ST18: variants seen among roughly 807,000 people sequenced by gnomAD.
The protein encoded by ST18 is ST18 C2H2C-type zinc finger transcription factor, also known as suppression of tumorigenicity 18 protein.
In ST18, 50 loss-of-function variants were observed where a neutral mutation model predicts 110.0. That is an observed-to-expected ratio of 0.45 (90% confidence interval 0.36 to 0.58). ST18 has a LOEUF of 0.58. ST18 is among the 20% of genes least tolerant of loss of function. ST18 has a pLI of 0.00. For missense variants in ST18, 1,306 were observed against 1,280.1 expected (o/e 1.02, Z -0.31); for synonymous variants, 461 against 452.4 (o/e 1.02, Z -0.24).
chr8:52,346,956 C>T (rs1216175480), intron 2 of ST18, among the ~76,000 whole-genome samples: 1 of 152,024 alleles, frequency 6.6e-6, no homozygotes, highest in African/African-American at 2.4e-5. Context: ...TAAACAAAAC[C>T]ATGGTCTAAG....
chr8:52,277,087 T>C (rs895885129), intron 2 of ST18, among the ~76,000 whole-genome samples: 2 of 152,192 alleles, frequency 1.3e-5, no homozygotes, highest in African/African-American at 4.8e-5. Context: ...AAACCTTATG[T>C]TTCAGCTGTG....
intron 2 of ST18, among the ~76,000 whole-genome samples, chr8:52,262,700 C>G (rs1263229867): frequency 6.6e-6 from 1 of 152,182 alleles, no homozygotes; most frequent in Non-Finnish European, 1.5e-5. Flanking sequence ...GAGTCTTTTT[C>G]ACCTGTAAGA....
At chr8:52,256,587 G>C (rs1589371599) in intron 2 of ST18, among the ~76,000 whole-genome samples, 1 of 152,260 alleles carries the variant, frequency 6.6e-6, no homozygotes, top group South Asian at 2.1e-4. Context: ...CACATGAAAT[G>C]AATCCCTATA....
chr8:52,203,393 T>C (rs2078707673), intron 8 of ST18, among the ~76,000 whole-genome samples: 2 of 152,148 alleles, frequency 1.3e-5, no homozygotes, highest in African/African-American at 2.4e-5. Context: ...CTTTGTACCA[T>C]AGAATTTGAC....
At chr8:52,372,168 A>G (rs772032200) in intron 2 of ST18, among the ~76,000 whole-genome samples, 1 of 152,170 alleles carries the variant, frequency 6.6e-6, no homozygotes, top group Non-Finnish European at 1.5e-5. Flanking sequence ...TTGTAGGCCT[A>G]GGATTTTGTG....
intron 2 of ST18, among the ~76,000 whole-genome samples, chr8:52,304,862 C>T (rs2095789433): frequency 6.6e-6 from 1 of 152,190 alleles, no homozygotes; most frequent in Admixed American, 6.5e-5. Flanking sequence ...CTCTCTGGGT[C>T]TCTCTTACAA....
intron 8 of ST18, among the ~76,000 whole-genome samples, chr8:52,181,334 A>G (rs1194038391): frequency 6.6e-6 from 1 of 152,214 alleles, no homozygotes; most frequent in Admixed American, 6.5e-5. Context: ...GCCTTAAACC[A>G]TTATTTTACA....
At chr8:52,402,097 G>C (rs565193565) in intron 2 of ST18, among the ~76,000 whole-genome samples, 21 of 152,300 alleles carry the variant, frequency 1.4e-4, no homozygotes, top group African/African-American at 4.8e-4. Context: ...GTCTTCGGCT[G>C]TAGGAGTTTG....
intron 8 of ST18, among the ~76,000 whole-genome samples, chr8:52,198,862 T>C (rs186678770): frequency 1.8e-4 from 27 of 152,300 alleles, no homozygotes; most frequent in African/African-American, 6.3e-4. Flanking sequence ...CCCTTCCACA[T>C]GTACCTGTGC....
chr8:52,230,386 G>A (rs1235830124), intron 2 of ST18, among the ~76,000 whole-genome samples: 2 of 150,626 alleles, frequency 1.3e-5, no homozygotes, highest in Non-Finnish European at 3.0e-5. Flanking sequence ...GAGTGAAAGT[G>A]AATTATCAAT....
At chr8:52,117,882 G>T (rs1222455415) in intron 24 of ST18, among the ~76,000 whole-genome samples, 1 of 152,144 alleles carries the variant, frequency 6.6e-6, no homozygotes, top group Non-Finnish European at 1.5e-5. Flanking sequence ...AATTGCTTGG[G>T]CTTTTAGGTA....
chr8:52,279,473 A>T (rs376644588), intron 2 of ST18, among the ~76,000 whole-genome samples: 24 of 152,288 alleles, frequency 1.6e-4, no homozygotes, highest in African/African-American at 5.1e-4. Context: ...AAAAATATTA[A>T]GAAGAATCGG....
chr8:52,156,054 A>C (rs2059939094), intron 15 of ST18, among the ~76,000 whole-genome samples: 1 of 152,184 alleles, frequency 6.6e-6, no homozygotes, highest in Non-Finnish European at 1.5e-5. Context: ...GTTCTGGTCA[A>C]ATTCCCTGCA....
intron 3 of ST18, among the ~76,000 whole-genome samples, chr8:52,226,084 A>G (rs910767384): frequency 5.9e-5 from 9 of 152,190 alleles, no homozygotes; most frequent in African/African-American, 2.2e-4. Context: ...AGATGCAGCA[A>G]AGGACAGAGC....
chr8:52,240,103 C>T (rs1488171395), intron 2 of ST18, among the ~76,000 whole-genome samples: 1 of 152,040 alleles, frequency 6.6e-6, no homozygotes, highest in Admixed American at 6.6e-5. Context: ...CTCCATTTTC[C>T]CTTTAGCCTT....
chr8:52,303,382 C>G (rs1182948614), intron 2 of ST18, among the ~76,000 whole-genome samples: 1 of 152,174 alleles, frequency 6.6e-6, no homozygotes, highest in Non-Finnish European at 1.5e-5. Context: ...GAAAGAACAC[C>G]AGTTATTGGA....
intron 8 of ST18, among the ~76,000 whole-genome samples, chr8:52,187,793 TA>T (rs1487413294): frequency 2.0e-5 from 3 of 152,184 alleles, no homozygotes; most frequent in Non-Finnish European, 4.4e-5. Context: ...TTGGCCTAAT[TA>T]CCCAATACAT....
At chr8:52,213,597 C>T (rs1361933458) in intron 7 of ST18, among the ~76,000 whole-genome samples, 2 of 152,160 alleles carry the variant, frequency 1.3e-5, no homozygotes, top group Non-Finnish European at 2.9e-5. Context: ...GTATTATTGC[C>T]AGTCAATCCT....
intron 2 of ST18, among the ~76,000 whole-genome samples, chr8:52,342,723 C>T (rs940012465): frequency 3.6e-4 from 55 of 152,090 alleles, no homozygotes; most frequent in Admixed American, 3.9e-4. Context: ...ACTGCTGGTC[C>T]AGGGCCTGCA....
Sources: gnomAD v4.1 joint callset for allele counts (sites outside exome capture counted in the v4.1 genomes callset) on GRCh38, gnomAD v4.1.1 for gene constraint, MANE v1.5 for transcripts, NCBI Gene and HGNC (gene_info 2026-07-23, HGNC 2026-07-21) for gene names.